Variants in UACA observed in about 807,000 individuals in gnomAD.
The protein encoded by UACA is uveal autoantigen with coiled-coil domains and ankyrin repeats, also known as nuclear membrane binding protein.
A neutral mutation model predicts 160.5 loss-of-function variants in UACA; 112 were observed. The ratio of observed to expected loss-of-function variants is 0.70; its 90% CI spans 0.60 to 0.82. UACA has a LOEUF of 0.82. UACA is among the 40% of genes least tolerant of loss of function. The pLI, the probability that UACA is intolerant of heterozygous loss-of-function variation, is 0.00. For missense variants in UACA, 1,574 were observed against 1,614.6 expected (o/e 0.97, Z 0.43); for synonymous variants, 557 against 568.4 (o/e 0.98, Z 0.29).
the UACA span, among the ~76,000 whole-genome samples, chr15:70,770,012 AAAAAG>A: frequency 4.2e-4 from 64 of 152,218 alleles, 1 homozygote; most frequent in Non-Finnish European, 8.4e-4. Context: ...TAAGTAAATA[AAAAAG>A]AAAAGTGTAT....
chr15:70,668,736 A>G lies in UACA; in HGVS notation c.1948T>C (p.Leu650=). The G allele has an allele frequency of 6.2e-7, 1 of 1,613,340 alleles. No homozygotes were observed. Among genetic ancestry groups the G allele is most frequent in the Non-Finnish European group, 8.5e-7 (1 of 1,179,882 alleles). Residue 650 remains leucine, a synonymous_variant, in exon 16 of 19, where the codon TTA becomes CTA. Transcript: ENST00000322954. The part of the protein sequence containing the change: ...SNEVNEKAKK[L]VEMEREHEKS... The stretch of plus-strand genomic sequence containing the variant: ...TCATGTTCTCTTTCCATTTCTACTA[A>G]TTTTTTTGCTTTCTCATTCACTTCA...
intron 14 of UACA, 95 bp downstream of exon 14, chr15:70,671,870 A>G (rs1394315990): frequency 4.0e-6 from 4 of 1,001,936 alleles, no homozygotes; most frequent in Non-Finnish European, 5.7e-6. Context: ...AATATCTTGT[A>G]CAGTTATTCC....
At chr15:70,760,363 C>T (rs1567004184) in intron 1 of UACA, among the ~76,000 whole-genome samples, 1 of 152,104 alleles carries the variant, frequency 6.6e-6, no homozygotes, top group East Asian at 1.9e-4. Context: ...ATAAAAATAA[C>T]CACCTTCTCT....
intron 1 of UACA, among the ~76,000 whole-genome samples, chr15:70,752,177 G>A (rs2030116772): frequency 6.7e-6 from 1 of 150,060 alleles, no homozygotes; most frequent in Non-Finnish European, 1.5e-5. Context: ...GGCAGAGGTT[G>A]CGGCGAGCCA....
chr15:70,778,354 C>G, the UACA span, among the ~76,000 whole-genome samples: 1 of 152,216 alleles, frequency 6.6e-6, no homozygotes, highest in African/African-American at 2.4e-5. Flanking sequence ...AGTTAGAAGT[C>G]TAACACAGTC....
chr15:70,775,908 C>A, the UACA span, among the ~76,000 whole-genome samples: 1 of 152,180 alleles, frequency 6.6e-6, no homozygotes, highest in African/African-American at 2.4e-5. Context: ...ACAAAGGATT[C>A]ATTGACCTAA....
intron 13 of UACA, among the ~76,000 whole-genome samples, chr15:70,673,930 C>T (rs984796651): frequency 1.3e-5 from 2 of 152,134 alleles, no homozygotes; most frequent in African/African-American, 2.4e-5. Flanking sequence ...GGCATGATCT[C>T]GGCTCATTGC....
intron 3 of UACA, 59 bp from the exon 4 acceptor site, chr15:70,691,422 T>G (rs1214786953): frequency 1.6e-6 from 2 of 1,274,596 alleles, no homozygotes; most frequent in Non-Finnish European, 2.2e-6. Flanking sequence ...AATTGAGGAT[T>G]TTTATAGAAA....
Position 70,687,778 on chromosome 15 carries a change from T to C in UACA, c.467A>G (p.His156Arg), listed in dbSNP as rs753859325. ...CPSSIQLLCD[H>R]GASVNAKDVD... is the part of the protein sequence containing the mutation. Reference sequence around the variant, plus strand: ...ATCTTTGGCATTCACAGAGGCCCCATGGTCACAAAGCAGCTGTATGCTAGA... The same window carrying C: ...ATCTTTGGCATTCACAGAGGCCCCACGGTCACAAAGCAGCTGTATGCTAGA... The change falls in exon 6 of 19, where the codon CAT (histidine) becomes CGT (arginine). Residue 156 changes from histidine (H) to arginine (R), a missense_variant. Physicochemically the swap from His to Arg is conservative, Grantham distance 29 (BLOSUM62 0). Transcript: ENST00000322954. 6 of 1,613,794 alleles carry C rather than the reference T, an allele frequency of 3.7e-6. No homozygotes were observed. The South Asian group carries it at 6.6e-5, about 18-fold the overall frequency.
intron 18 of UACA, 81 bp downstream of exon 18, chr15:70,660,070 A>T: frequency 1.8e-6 from 2 of 1,134,046 alleles, no homozygotes; most frequent in Non-Finnish European, 2.5e-6. Flanking sequence ...AACATCAATT[A>T]CTTTCACATA....
chr15:70,742,262 T>C (rs1305526649), intron 1 of UACA, among the ~76,000 whole-genome samples: 1 of 152,180 alleles, frequency 6.6e-6, no homozygotes, highest in Admixed American at 6.5e-5. Context: ...ATAAGCAACT[T>C]GAAACCCATC....
intron 1 of UACA, among the ~76,000 whole-genome samples, chr15:70,736,322 G>A (rs1370424440): frequency 2.0e-5 from 3 of 152,060 alleles, no homozygotes; most frequent in Non-Finnish European, 2.9e-5. Context: ...AAGTATTTAC[G>A]TTTATAGTCA....
At chr15:70,688,977 G>A (rs1897828773) in intron 5 of UACA, among the ~76,000 whole-genome samples, 1 of 152,166 alleles carries the variant, frequency 6.6e-6, no homozygotes, top group South Asian at 2.1e-4. Flanking sequence ...TAGTCACCTA[G>A]AGAGTTTATT....
chr15:70,768,511 A>G (rs935412545), upstream of UACA: 3 of 152,234 alleles, frequency 2.0e-5, no homozygotes, highest in Non-Finnish European at 4.4e-5. Flanking sequence ...TTGATTACAC[A>G]CAATCCAGAA....
At chr15:70,753,102 C>T (rs952074355) in intron 1 of UACA, among the ~76,000 whole-genome samples, 4 of 152,232 alleles carry the variant, frequency 2.6e-5, no homozygotes, top group Non-Finnish European at 5.9e-5. Flanking sequence ...TCTAAAGCGA[C>T]GGCTGGCCAA....
chr15:70,745,401 T>TGCAC (rs1899674491), intron 1 of UACA, among the ~76,000 whole-genome samples: 1 of 146,384 alleles, frequency 6.8e-6, no homozygotes, highest in Non-Finnish European at 1.5e-5. Flanking sequence ...TGCGTGCCAC[T>TGCAC]GCACTCCAGC....
In UACA at chr15:70,669,077, T is replaced by C. The variant is rs368193973; in HGVS notation, c.1607A>G (p.His536Arg). The change falls in exon 16 of 19, where the codon CAC (histidine) becomes CGC (arginine). Residue 536 changes from histidine (H) to arginine (R), a missense_variant. Coordinates refer to ENST00000322954, the MANE Select transcript of UACA (RefSeq NM_018003.4). The part of the protein sequence containing the change: ...HLTSEAASGN[H>R]RLTEELKDQL... ...ATCCTTCAGTTCCTCGGTTAGTCTG[T>C]GATTCCCTGAGGCTGCTTCACTTGT... is the stretch of plus-strand genomic sequence containing the variant. The C allele has an allele frequency of 3.7e-6, 6 of 1,614,138 alleles. 1 individual carries two copies. In the East Asian group the frequency reaches 6.7e-5, roughly 18 times the overall value.
intron 15 of UACA, among the ~76,000 whole-genome samples, chr15:70,670,238 G>A (rs1324182524): frequency 6.6e-6 from 1 of 152,150 alleles, no homozygotes; most frequent in Non-Finnish European, 1.5e-5. Context: ...ACTGGTAAAG[G>A]AAAATAGCCC....
chr15:70,770,688 C>T, the UACA span, among the ~76,000 whole-genome samples: 1 of 152,180 alleles, frequency 6.6e-6, no homozygotes, highest in East Asian at 1.9e-4. Context: ...AAGAACAGTT[C>T]CTTTGAACCT....
Sources: gnomAD v4.1 joint callset for allele counts (sites outside exome capture counted in the v4.1 genomes callset) on GRCh38, gnomAD v4.1.1 for gene constraint, MANE v1.5 for transcripts, NCBI Gene and HGNC (gene_info 2026-07-23, HGNC 2026-07-21) for gene names.